EVA1A: variants seen among roughly 807,000 people sequenced by gnomAD.
EVA1A encodes protein eva-1 homolog A.
A neutral mutation model predicts 9.8 loss-of-function variants in EVA1A; 7 were observed. The observed-to-expected ratio is 0.71, with a 90% confidence interval of 0.41 to 1.34. The LOEUF is 1.34. Ranked by LOEUF, EVA1A falls within the 40% of genes most tolerant of loss-of-function variation. The probability of loss-of-function intolerance (pLI) is 0.01; values close to 1 mark genes in which losing one functional copy is unlikely to be tolerated. For synonymous variants in EVA1A, 90 were observed against 85.6 expected, an observed-to-expected ratio of 1.05 and a Z score of -0.28; for missense variants, 206 against 205.9, an observed-to-expected ratio of 1.00 and a Z score of 0.00.
intron 1 of EVA1A, among the ~76,000 whole-genome samples, chr2:75,535,558 T>A (rs1444777602): frequency 6.6e-6 from 1 of 152,192 alleles, no homozygotes; most frequent in Non-Finnish European, 1.5e-5. Context: ...AGCCAATGAA[T>A]AAAGAAAATG....
intron 1 of EVA1A, chr2:75,558,627 G>A: frequency 6.6e-6 from 1 of 152,206 alleles, no homozygotes; most frequent in East Asian, 1.9e-4. Flanking sequence ...TCACCCAAAA[G>A]GAGACTTAAC....
At chr2:75,518,291 A>G in intron 2 of EVA1A, 83 bp from the exon 3 acceptor site, 1 of 1,372,366 alleles carries the variant, frequency 7.3e-7, no homozygotes, top group Non-Finnish European at 9.6e-7. Flanking sequence ...TCCTAAAGAC[A>G]TATTTTTGCA....
chr2:75,529,530 C>G (rs933524639), intron 1 of EVA1A, among the ~76,000 whole-genome samples: 24 of 152,070 alleles, frequency 1.6e-4, no homozygotes, highest in African/African-American at 5.6e-4. Context: ...TTAAGAAAAT[C>G]AAAATTATAT....
intron 1 of EVA1A, among the ~76,000 whole-genome samples, chr2:75,552,672 C>T (rs1284752267): frequency 6.6e-6 from 1 of 152,200 alleles, no homozygotes; most frequent in African/African-American, 2.4e-5. Context: ...TCCCATACTT[C>T]ATTGTATGTA....
chr2:75,525,902 C>T (rs534523713), intron 1 of EVA1A, among the ~76,000 whole-genome samples: 7 of 152,322 alleles, frequency 4.6e-5, no homozygotes, highest in African/African-American at 1.7e-4. Flanking sequence ...GAGGTCAGTA[C>T]CAAGGGTGGT....
intron 1 of EVA1A, among the ~76,000 whole-genome samples, chr2:75,528,180 G>A (rs1355186677): frequency 6.6e-6 from 1 of 152,166 alleles, no homozygotes; most frequent in African/African-American, 2.4e-5. Flanking sequence ...TTGGGGAAGG[G>A]CCACGGGGAG....
chr2:75,497,496 C>T (rs1487535449), intron 3 of EVA1A, among the ~76,000 whole-genome samples: 1 of 151,980 alleles, frequency 6.6e-6, no homozygotes, highest in African/African-American at 2.4e-5. Flanking sequence ...CCATCTCGCG[C>T]CAGTCAGAAT....
chr2:75,519,958 T>C (rs1379992457), intron 2 of EVA1A, among the ~76,000 whole-genome samples: 2 of 152,180 alleles, frequency 1.3e-5, no homozygotes, highest in African/African-American at 4.8e-5. Context: ...CAGGGTCATT[T>C]TTCTATAGTA....
At chr2:75,555,466 C>A (rs1049074034) in intron 1 of EVA1A, among the ~76,000 whole-genome samples, 1 of 152,134 alleles carries the variant, frequency 6.6e-6, no homozygotes, top group Non-Finnish European at 1.5e-5. Context: ...GGAGGGGCCA[C>A]TCACATAGCT....
intron 2 of EVA1A, 68 bp from the exon 3 acceptor site, chr2:75,518,276 T>C (rs1479969178): frequency 4.9e-6 from 7 of 1,434,280 alleles, no homozygotes; most frequent in South Asian, 2.9e-5. Context: ...CCAGGTAGCC[T>C]GGACTCCTAA....
At chr2:75,495,879 C>T (rs1048996317) in intron 3 of EVA1A, among the ~76,000 whole-genome samples, 2 of 152,194 alleles carry the variant, frequency 1.3e-5, no homozygotes, top group East Asian at 1.9e-4. Flanking sequence ...TTTTCTTCTC[C>T]TCCTTTCCTC....
intron 3 of EVA1A, among the ~76,000 whole-genome samples, chr2:75,511,128 A>G (rs1674796818): frequency 6.6e-6 from 1 of 152,264 alleles, no homozygotes; most frequent in African/African-American, 2.4e-5. Context: ...TTCTTCATCT[A>G]TCAGATTGTC....
chr2:75,538,374 T>C (rs957639857), intron 1 of EVA1A, among the ~76,000 whole-genome samples: 1 of 152,176 alleles, frequency 6.6e-6, no homozygotes, highest in Non-Finnish European at 1.5e-5. Flanking sequence ...AAATCAACTG[T>C]ATTTCCATAT....
upstream of EVA1A, among the ~76,000 whole-genome samples, chr2:75,564,655 T>C (rs1676993192): frequency 6.6e-6 from 1 of 152,164 alleles, no homozygotes; most frequent in South Asian, 2.1e-4. Flanking sequence ...GCAAATGTCG[T>C]GATGACAAGA....
In EVA1A at chr2:75,555,301, A is replaced by ATCTCTCTCCC. The variant is rs1392383779; in HGVS notation, c.-192+5378_-192+5379insGGGAGAGAGA. ...AAACAGACTTTAGCATCAAAACTCA[A>ATCTCTCTCCC]TCTCTCTCTCTCTCTCTCTCTCTCT... On this transcript the variant is annotated intron_variant, in intron 1 of 3. Coordinates refer to ENST00000393913, the MANE Select transcript of EVA1A (RefSeq NM_001135032.2). Among the ~76,000 whole-genome samples the ATCTCTCTCCC allele has an allele frequency of 1.7e-3, 97 of 57,204 alleles. 1 individual carries two copies. The highest frequency in any genetic ancestry group is 3.0e-3 in the African/African-American group (56 of 18,716). The allele number at this position is 57,204 out of a possible 152,430, so 37.5% of individuals were successfully genotyped here. A position where few individuals can be genotyped will look rare whatever the true frequency, so the allele number is the denominator to read the frequency against.
At chr2:75,523,830 A>T (rs1387867977) in intron 1 of EVA1A, among the ~76,000 whole-genome samples, 2 of 152,206 alleles carry the variant, frequency 1.3e-5, no homozygotes, top group East Asian at 3.8e-4. Flanking sequence ...CACACTGAGA[A>T]ATCTCACTCT....
At chr2:75,568,588 G>A (rs11691892) in intron 1 of EVA1A, among the ~76,000 whole-genome samples, 26,529 of 152,010 alleles carry the variant, frequency 0.17, 2,880 homozygotes, top group East Asian at 0.29. Context: ...TACCCAGTGT[G>A]TAGTCTTTTC....
At chr2:75,511,165 T>C (rs777314866) in intron 3 of EVA1A, among the ~76,000 whole-genome samples, 2 of 152,248 alleles carry the variant, frequency 1.3e-5, no homozygotes, top group Non-Finnish European at 2.9e-5. Flanking sequence ...AAAACACTGC[T>C]GCAGGGGCTT....
At chr2:75,498,572 T>A (rs1225751882) in intron 3 of EVA1A, among the ~76,000 whole-genome samples, 3 of 152,230 alleles carry the variant, frequency 2.0e-5, no homozygotes, top group African/African-American at 7.2e-5. Context: ...ATTTTTATGT[T>A]GATTCAAAAC....
Sources: allele counts gnomAD v4.1 joint callset (sites outside exome capture counted in the v4.1 genomes callset), GRCh38; gene constraint gnomAD v4.1.1; transcripts MANE v1.5; gene names NCBI Gene and HGNC (gene_info 2026-07-23, HGNC 2026-07-21).